SLC8A1: variants seen among roughly 807,000 people sequenced by gnomAD.
SLC8A1 encodes solute carrier family 8 member A1.
SLC8A1 carries 18 observed loss-of-function variants against 68.3 expected under a neutral mutation model. The observed-to-expected ratio is 0.26, with a 90% CI of 0.18 to 0.39. The LOEUF (loss-of-function observed/expected upper bound fraction) is 0.39, where lower values mean the gene tolerates loss of function less well. Ranked by LOEUF, SLC8A1 falls within the 10% of genes least tolerant of loss-of-function variation. SLC8A1 has a pLI of 1.00. For synonymous variants in SLC8A1, 475 were observed against 415.5 expected (o/e 1.14, Z -1.74); for missense variants, 985 against 1,156.7 (o/e 0.85, Z 2.15).
At chr2:40,430,173 C>A (rs780535144) in exon 2 of SLC8A1, 1 of 1,613,760 alleles carries the variant, frequency 6.2e-7, no homozygotes, top group Non-Finnish European at 8.5e-7. Flanking sequence ...CCATTTCTGT[C>A]TCAGCAATTA....
chr2:40,110,268 A>G (rs1204113452), exon 8 of SLC8A1: 2 of 152,190 alleles, frequency 1.3e-5, no homozygotes, highest in African/African-American at 4.8e-5. Context: ...ATCTATTTCA[A>G]TTGTTTACCC....
At chr2:40,264,086 G>A (rs1247558876) in intron 2 of SLC8A1, among the ~76,000 whole-genome samples, 2 of 152,148 alleles carry the variant, frequency 1.3e-5, no homozygotes, top group East Asian at 1.9e-4. Context: ...GCAGCCAGAA[G>A]ACACATGAAA....
chr2:40,434,828 G>T (rs896940372), intron 1 of SLC8A1, among the ~76,000 whole-genome samples: 1 of 152,102 alleles, frequency 6.6e-6, no homozygotes, highest in African/African-American at 2.4e-5. Flanking sequence ...ATGGTAAAAA[G>T]ATATCCAGCT....
At chr2:40,281,020 C>T (rs1274296447) in intron 2 of SLC8A1, among the ~76,000 whole-genome samples, 1 of 152,196 alleles carries the variant, frequency 6.6e-6, no homozygotes, top group Non-Finnish European at 1.5e-5. Flanking sequence ...CAGGCTGATA[C>T]ATCTTTGTAC....
At position 40,295,132 on chromosome 2, in the gene SLC8A1, C is replaced by T. The variant is rs1395632150; in HGVS notation, c.1809-117277G>A. On this transcript the variant is annotated intron_variant, in intron 2 of 7. Coordinates refer to ENST00000406785, the Ensembl canonical transcript of SLC8A1. ...TTTTTTTTTTTGATGCAAGGTCTCA[C>T]TCTGTCACTCAGGCTAGAGTGCAGT... Among the ~76,000 whole-genome samples the T allele has an allele frequency of 2.0e-5, 3 of 151,952 alleles. No individual in the cohort carries two copies. In the South Asian group the frequency reaches 6.2e-4, roughly 32 times the overall value.
intron 1 of SLC8A1, among the ~76,000 whole-genome samples, chr2:40,460,581 AT>A (rs11360467): frequency 0.48 from 68,484 of 142,164 alleles, 16,292 homozygotes; most frequent in East Asian, 0.82. Context: ...GTATTTTTTA[AT>A]TTTTTTTTTT....
chr2:40,247,896 G>GAAAT lies in SLC8A1; in HGVS notation c.1809-70045_1809-70042dup, dbSNP rs1250357404. 3.3e-5 allele frequency among the ~76,000 whole-genome samples: 5 copies of GAAAT among 152,266 alleles called. No individual in the cohort carries two copies. The East Asian group carries it at 7.7e-4, about 24-fold the overall frequency. ...TTCAATGCTATGTTCACTATTACCT[G>GAAAT]AAATAGACTTGGAGGCAAAAATAAA... On this transcript the variant is annotated intron_variant, in intron 2 of 7. Transcript: ENST00000406785.
chr2:40,341,477 A>G (rs1045994501), intron 2 of SLC8A1, among the ~76,000 whole-genome samples: 5 of 152,192 alleles, frequency 3.3e-5, no homozygotes, highest in Admixed American at 1.3e-4. Flanking sequence ...AGGTTACTCT[A>G]TAAAATGAAA....
intron 1 of SLC8A1, among the ~76,000 whole-genome samples, chr2:40,483,520 G>A (rs1215100268): frequency 6.6e-6 from 1 of 152,108 alleles, no homozygotes; most frequent in Non-Finnish European, 1.5e-5. Flanking sequence ...AGTCAACAAA[G>A]CCAAAACAGA....
At chr2:40,383,906 GT>G in intron 2 of SLC8A1, among the ~76,000 whole-genome samples, 1 of 152,224 alleles carries the variant, frequency 6.6e-6, no homozygotes, top group Admixed American at 6.5e-5. Flanking sequence ...TGAACCTTCA[GT>G]CATTCACAGA....
At chr2:40,430,051 C>T in exon 2 of SLC8A1, 1 of 1,613,908 alleles carries the variant, frequency 6.2e-7, no homozygotes, top group Non-Finnish European at 8.5e-7. Flanking sequence ...CACAGTAGCT[C>T]TAGCAATTTT....
At chr2:40,408,288 T>C (rs1691012174) in intron 2 of SLC8A1, among the ~76,000 whole-genome samples, 1 of 152,174 alleles carries the variant, frequency 6.6e-6, no homozygotes, top group African/African-American at 2.4e-5. Context: ...TTGTTCTCTG[T>C]GAGATACACA....
At chr2:40,381,046 C>G (rs1032817265) in intron 2 of SLC8A1, among the ~76,000 whole-genome samples, 1 of 152,038 alleles carries the variant, frequency 6.6e-6, no homozygotes, top group African/African-American at 2.4e-5. Flanking sequence ...TTCCCCAAAC[C>G]TCTTCATTTC....
chr2:40,166,687 G>A (rs1309639149), intron 4 of SLC8A1, among the ~76,000 whole-genome samples: 2 of 152,230 alleles, frequency 1.3e-5, no homozygotes, highest in Non-Finnish European at 2.9e-5. Context: ...AGGTGGCTGA[G>A]ATACATGAAG....
At chr2:40,384,522 A>G (rs943408092) in intron 2 of SLC8A1, among the ~76,000 whole-genome samples, 2 of 152,086 alleles carry the variant, frequency 1.3e-5, no homozygotes, top group Non-Finnish European at 2.9e-5. Context: ...CAAAAAGAAC[A>G]TAGAAGACAG....
chr2:40,306,079 C>T (rs1024699449), intron 2 of SLC8A1, among the ~76,000 whole-genome samples: 2 of 152,054 alleles, frequency 1.3e-5, no homozygotes, highest in Non-Finnish European at 2.9e-5. Context: ...CTGGGATGCT[C>T]ATGCTCTTAT....
intron 3 of SLC8A1, among the ~76,000 whole-genome samples, chr2:40,175,591 C>T (rs1443623651): frequency 1.6e-4 from 25 of 151,676 alleles, no homozygotes; most frequent in Admixed American, 1.5e-3. Flanking sequence ...TATGTTTATA[C>T]CTAGTATGTA....
intron 2 of SLC8A1, chr2:40,250,617 C>T (rs143805953): frequency 6.6e-6 from 1 of 152,082 alleles, no homozygotes; most frequent in Non-Finnish European, 1.5e-5. Flanking sequence ...AATAGATGTA[C>T]TTATGGAACA....
At chr2:40,277,794 G>GTGTATATATATATATATATA (rs907874659) in intron 2 of SLC8A1, among the ~76,000 whole-genome samples, 1 of 108,008 alleles carries the variant, frequency 9.3e-6, no homozygotes, top group African/African-American at 3.3e-5. Context: ...ATATATGTGT[G>GTGTATATATATATATATATA]TATATATATA....
Sources: allele counts gnomAD v4.1 joint callset (sites outside exome capture counted in the v4.1 genomes callset), GRCh38; gene constraint gnomAD v4.1.1; transcripts MANE v1.5; gene names NCBI Gene and HGNC (gene_info 2026-07-23, HGNC 2026-07-21).